The following PIAS1 variants were observed in gnomAD, a reference collection of about 807,000 sequenced individuals.
The protein encoded by PIAS1 is protein inhibitor of activated STAT 1, also known as E3 SUMO-protein ligase PIAS1.
Under a neutral mutation model 71.3 loss-of-function variants are expected in PIAS1, and 6 were observed. The ratio of observed to expected loss-of-function variants is 0.08; its 90% CI spans 0.05 to 0.17. The LOEUF (loss-of-function observed/expected upper bound fraction) is 0.17. Among genes scored for constraint, PIAS1 ranks in the 10% least tolerant of loss-of-function variants. The pLI, the probability that PIAS1 is intolerant of heterozygous loss-of-function variation, is 1.00. For missense variants in PIAS1, 555 were observed against 793.6 expected (o/e 0.70, Z 3.61); for synonymous variants, 303 against 292.9 (o/e 1.03, Z -0.35).
chr15:68,073,833 A>G lies in PIAS1; in HGVS notation c.25-12473A>G, dbSNP rs1013028705. Among the ~76,000 whole-genome samples, 10 of 152,348 alleles carry G rather than the reference A, an allele frequency of 6.6e-5. No individual in the cohort carries two copies. In the East Asian group the frequency reaches 7.7e-4, roughly 12 times the overall value. ...TTATATTTTAGAATGATCACTGGCA[A>G]TAGTGAGGAGAATGACTTGGAGAGG... On this transcript the variant is annotated intron_variant, in intron 1 of 13. Transcript: ENST00000249636.
chr15:68,126,350 C>CT (rs1265813510), intron 2 of PIAS1, among the ~76,000 whole-genome samples: 1 of 152,130 alleles, frequency 6.6e-6, no homozygotes, highest in Admixed American at 6.6e-5. Context: ...GTCTATTGAG[C>CT]TTTTCCTTTG....
At chr15:68,109,598 T>A (rs888083812) in intron 2 of PIAS1, among the ~76,000 whole-genome samples, 1 of 152,154 alleles carries the variant, frequency 6.6e-6, no homozygotes, top group Non-Finnish European at 1.5e-5. Flanking sequence ...CTGAAAACCC[T>A]CCAGATTCAA....
intron 2 of PIAS1, among the ~76,000 whole-genome samples, chr15:68,107,608 T>G (rs2092482966): frequency 6.6e-6 from 1 of 152,200 alleles, no homozygotes; most frequent in African/African-American, 2.4e-5. Context: ...ACTTTACCCT[T>G]ATACTTTCAT....
chr15:68,087,550 T>TA (rs1466193623), intron 2 of PIAS1, among the ~76,000 whole-genome samples: 3 of 152,176 alleles, frequency 2.0e-5, no homozygotes, highest in Non-Finnish European at 2.9e-5. Flanking sequence ...GGCCTGTTTT[T>TA]ATGTGGTTCT....
chr15:68,065,814 C>T (rs2092014993), intron 1 of PIAS1, among the ~76,000 whole-genome samples: 2 of 140,144 alleles, frequency 1.4e-5, no homozygotes, highest in South Asian at 4.5e-4. Context: ...GATCATGGCT[C>T]ACTGCAGCTT....
intron 1 of PIAS1, among the ~76,000 whole-genome samples, chr15:68,063,719 C>G (rs1160155712): frequency 1.3e-5 from 2 of 152,074 alleles, no homozygotes; most frequent in Non-Finnish European, 2.9e-5. Context: ...TTTCTCAGGC[C>G]TCTGGTGGTT....
Position 68,193,829 on chromosome 15 carries a change from T to TAAA in PIAS1, c.*5995_*5997dup. 5.4e-6 allele frequency: 3 copies of TAAA among 559,464 alleles called. No homozygotes were observed. Among genetic ancestry groups the TAAA allele is most frequent in the Non-Finnish European group, 9.6e-6 (3 of 313,664 alleles). 34.7% of individuals were successfully genotyped at this position (559,464 alleles called of 1,614,324 possible). ...AATAAAATCAATACAAATCTTTTAT[T>TAAA]AAAGATCTACTCATACCATGGCTGA... is the stretch of plus-strand genomic sequence containing the variant. On this transcript the variant is annotated 3_prime_UTR_variant, in exon 14 of 14. Transcript: ENST00000249636.
chr15:68,080,679 T>C (rs1470044581), intron 1 of PIAS1, among the ~76,000 whole-genome samples: 2 of 152,200 alleles, frequency 1.3e-5, no homozygotes, highest in African/African-American at 4.8e-5. Context: ...TAAAATACTT[T>C]TGTTGTTGTG....
intron 2 of PIAS1, among the ~76,000 whole-genome samples, chr15:68,124,718 TCAAA>T (rs148167122): frequency 2.5e-4 from 38 of 151,822 alleles, no homozygotes; most frequent in African/African-American, 3.1e-4. Flanking sequence ...AGACTCTGGC[TCAAA>T]CAAACAAACA....
chr15:68,094,943 G>A (rs1328568535), intron 2 of PIAS1, among the ~76,000 whole-genome samples: 2 of 152,050 alleles, frequency 1.3e-5, no homozygotes, highest in African/African-American at 2.4e-5. Context: ...TGTAATAGTC[G>A]TGTTTGTATA....
At chr15:68,145,372 A>G (rs983429500) in intron 4 of PIAS1, among the ~76,000 whole-genome samples, 22 of 152,202 alleles carry the variant, frequency 1.4e-4, no homozygotes, top group African/African-American at 4.8e-4. Flanking sequence ...TACTGCATAC[A>G]GGTGGTAGGT....
intron 1 of PIAS1, among the ~76,000 whole-genome samples, chr15:68,069,403 T>C (rs1216999472): frequency 6.6e-6 from 1 of 152,178 alleles, no homozygotes; most frequent in Non-Finnish European, 1.5e-5. Flanking sequence ...AAGGTTCTTA[T>C]CCAGTCATTC....
chr15:68,185,855 G>A lies in PIAS1; in HGVS notation c.1663-1687G>A, dbSNP rs1219299064. 2.0e-5 allele frequency among the ~76,000 whole-genome samples: 3 copies of A among 152,072 alleles called. No homozygotes were observed. Among genetic ancestry groups the A allele is most frequent in the South Asian group, 2.1e-4 (1 of 4,820 alleles). On this transcript the variant is annotated intron_variant, in intron 13 of 13. Transcript: ENST00000249636. This position sits in a 1 kb window ranked among gnomAD's most constrained non-coding sequence, Gnocchi z 4.4. ...TACACGCCTGTAATCCCAGCTACTC[G>A]GGAGGCTGAGGCAGAAGAATCACTT... is the stretch of plus-strand genomic sequence containing the variant.
At chr15:68,147,692 A>C (rs977174742) in intron 6 of PIAS1, among the ~76,000 whole-genome samples, 12 of 152,080 alleles carry the variant, frequency 7.9e-5, no homozygotes, top group African/African-American at 2.7e-4. Flanking sequence ...TAGACTTCCA[A>C]GGTTTCATAT....
chr15:68,060,748 G>C (rs938678075), intron 1 of PIAS1, among the ~76,000 whole-genome samples: 1 of 149,038 alleles, frequency 6.7e-6, no homozygotes, highest in Non-Finnish European at 1.5e-5. Flanking sequence ...AGGTAACATA[G>C]TTTCAAGGAT....
intron 2 of PIAS1, among the ~76,000 whole-genome samples, chr15:68,095,438 A>G (rs1240179628): frequency 1.3e-5 from 2 of 151,902 alleles, no homozygotes; most frequent in Non-Finnish European, 2.9e-5. Context: ...GGGAGAATCT[A>G]ATTTTGGCGA....
chr15:68,150,522 C>G (rs1019540479), intron 6 of PIAS1, among the ~76,000 whole-genome samples: 7 of 152,108 alleles, frequency 4.6e-5, no homozygotes, highest in African/African-American at 1.7e-4. Flanking sequence ...TTTGCAGATA[C>G]TTTTGTATAA....
chr15:68,097,266 C>A (rs1447067923), intron 2 of PIAS1, among the ~76,000 whole-genome samples: 1 of 151,978 alleles, frequency 6.6e-6, no homozygotes, highest in East Asian at 1.9e-4. Context: ...TATGTAAAAC[C>A]CTTTTCATAT....
chr15:68,166,368 A>G (rs1295938188), intron 8 of PIAS1, among the ~76,000 whole-genome samples: 4 of 149,674 alleles, frequency 2.7e-5, no homozygotes, highest in Non-Finnish European at 5.9e-5. Flanking sequence ...TTTTCTTTTC[A>G]TGCTTAGAAA....
Sources: allele counts gnomAD v4.1 joint callset (sites outside exome capture counted in the v4.1 genomes callset), GRCh38; gene constraint gnomAD v4.1.1; non-coding constraint Gnocchi (gnomAD v3.1); transcripts MANE v1.5; gene names NCBI Gene and HGNC (gene_info 2026-07-23, HGNC 2026-07-21).